Variants in MTARC2 observed in about 807,000 individuals in gnomAD.
MTARC2 encodes the protein mitochondrial amidoxime reducing component 2.
MTARC2 carries 27 observed loss-of-function variants against 35.6 expected under a neutral mutation model. That is an observed-to-expected ratio of 0.76 (90% confidence interval 0.56 to 1.04). MTARC2 has a LOEUF of 1.04. Ranked by LOEUF, MTARC2 falls within the 50% of genes least tolerant of loss-of-function variation. MTARC2 has a pLI of 0.00. For missense variants in MTARC2, 412 were observed against 432.5 expected (o/e 0.95, Z 0.42); for synonymous variants, 158 against 167.1 (o/e 0.95, Z 0.42).
At chr1:220,782,366 C>A (rs1329162063) in intron 7 of MTARC2, among the ~76,000 whole-genome samples, 1 of 152,016 alleles carries the variant, frequency 6.6e-6, no homozygotes, top group Non-Finnish European at 1.5e-5. Context: ...TGTCTTTTAT[C>A]AAATGTATTT....
At chr1:220,768,826 C>A (rs1014721255) in intron 4 of MTARC2, among the ~76,000 whole-genome samples, 1 of 152,082 alleles carries the variant, frequency 6.6e-6, no homozygotes, top group Non-Finnish European at 1.5e-5. Context: ...TGAAAAGAAC[C>A]AAGCAGGGGC....
At position 220,780,380 on chromosome 1, in the gene MTARC2, G is replaced by C. The variant is rs72472398; in HGVS notation, c.884+141G>C. 1.1e-5 allele frequency: 7 copies of C among 650,506 alleles called. No homozygotes were observed. In the South Asian group the frequency reaches 1.6e-4, roughly 15 times the overall value. 40.3% of individuals were successfully genotyped at this position (650,506 alleles called of 1,614,324 possible). A position where few individuals can be genotyped will look rare whatever the true frequency, so the allele number is the denominator to read the frequency against. ...TTCCAGTCTACCTTCTGACTGATTCGCGTCTATTGGTTAATGAGAGCACTG... is the reference window on the plus strand; with the variant it reads ...TTCCAGTCTACCTTCTGACTGATTCCCGTCTATTGGTTAATGAGAGCACTG... On this transcript the variant is annotated intron_variant, in intron 6 of 7. Transcript: ENST00000366913.
chr1:220,750,382 C>CA (rs1236969054), intron 1 of MTARC2, among the ~76,000 whole-genome samples: 1 of 152,176 alleles, frequency 6.6e-6, no homozygotes, highest in Non-Finnish European at 1.5e-5. Flanking sequence ...GTTTCACAGA[C>CA]AGTTTCCAGT....
At position 220,748,624 on chromosome 1, in the gene MTARC2, C is replaced by A; in HGVS notation, c.93C>A (p.Ala31=). The A allele has an allele frequency of 6.7e-7, 1 of 1,489,116 alleles. No homozygotes were observed. Among genetic ancestry groups the A allele is most frequent in the East Asian group, 2.8e-5 (1 of 35,996 alleles). The allele number at this position is 1,489,116 out of a possible 1,614,324, so 92.2% of individuals were successfully genotyped here. Residue 31 remains alanine (A), a synonymous_variant, in exon 1 of 8, where the codon GCC becomes GCA. Transcript: ENST00000366913. ...RWLGVAALGL[A]AVALGTVAWR... ...TCGGGGTCGCCGCGCTAGGACTGGC[C>A]GCCGTGGCCCTGGGGACTGTCGCCT...
chr1:220,768,393 T>C (rs1671642661), intron 4 of MTARC2, among the ~76,000 whole-genome samples: 1 of 152,204 alleles, frequency 6.6e-6, no homozygotes, highest in Non-Finnish European at 1.5e-5. Flanking sequence ...AAATGTCTGA[T>C]AGCCATTGAG....
intron 1 of MTARC2, among the ~76,000 whole-genome samples, chr1:220,750,966 G>A (rs1671109466): frequency 1.3e-5 from 2 of 152,204 alleles, no homozygotes; most frequent in Non-Finnish European, 2.9e-5. Context: ...GAATGAGGTT[G>A]AACTTCATGG....
chr1:220,774,263 T>G (rs940118906), intron 4 of MTARC2, among the ~76,000 whole-genome samples: 1 of 152,164 alleles, frequency 6.6e-6, no homozygotes, highest in African/African-American at 2.4e-5. Flanking sequence ...CACGAGGTTA[T>G]ATCATGTTGT....
chr1:220,769,535 C>G (rs939987497), intron 4 of MTARC2, among the ~76,000 whole-genome samples: 1 of 152,162 alleles, frequency 6.6e-6, no homozygotes, highest in African/African-American at 2.4e-5. Context: ...GTGGGAACCA[C>G]TGGGCTAGGG....
At position 220,748,783 on chromosome 1, in the gene MTARC2, C is replaced by T. The variant is rs1253944963; in HGVS notation, c.252C>T (p.Arg84=). The part of the protein sequence containing the change: ...SEAECTAMGL[R]SGNLRDRFWL... ...CTGAGTGCACGGCCATGGGGCTGCG[C>T]AGCGGCAACCTGCGGGACAGGTACA... is the stretch of plus-strand genomic sequence containing the variant. The change falls in exon 1 of 8, where the codon CGC becomes CGT. Residue 84 remains arginine (R), a synonymous_variant. Coordinates refer to ENST00000366913, the MANE Select transcript of MTARC2 (RefSeq NM_017898.5). 1.3e-6 allele frequency: 2 copies of T among 1,595,512 alleles called. No individual in the cohort carries two copies. Among genetic ancestry groups the T allele is most frequent in the Non-Finnish European group, 8.5e-7 (1 of 1,171,672 alleles).
intron 4 of MTARC2, among the ~76,000 whole-genome samples, chr1:220,767,020 A>G (rs1315722868): frequency 6.6e-6 from 1 of 151,940 alleles, no homozygotes; most frequent in Non-Finnish European, 1.5e-5. Flanking sequence ...AAAAAAATAA[A>G]CTGTTAAATG....
chr1:220,769,403 C>G (rs563394099), intron 4 of MTARC2, among the ~76,000 whole-genome samples: 2 of 152,186 alleles, frequency 1.3e-5, no homozygotes. Flanking sequence ...CGGTGGGTCC[C>G]CCTCTGGCTG....
intron 4 of MTARC2, among the ~76,000 whole-genome samples, chr1:220,777,875 C>G (rs1156830251): frequency 6.6e-6 from 1 of 152,210 alleles, no homozygotes; most frequent in Non-Finnish European, 1.5e-5. Flanking sequence ...AAGTTGTAAT[C>G]TGTCTGGATA....
intron 4 of MTARC2, among the ~76,000 whole-genome samples, chr1:220,772,412 G>C (rs1176059062): frequency 1.3e-5 from 2 of 152,184 alleles, no homozygotes; most frequent in Non-Finnish European, 2.9e-5. Context: ...TAAGTGAAAA[G>C]TAATGTCCTA....
chr1:220,764,289 C>T (rs1034935270), intron 4 of MTARC2, among the ~76,000 whole-genome samples: 4 of 152,094 alleles, frequency 2.6e-5, no homozygotes, highest in African/African-American at 9.7e-5. Flanking sequence ...GATGGGATTT[C>T]TCCATGTTGG....
At chr1:220,766,518 T>C (rs1362725189) in intron 4 of MTARC2, among the ~76,000 whole-genome samples, 1 of 152,228 alleles carries the variant, frequency 6.6e-6, no homozygotes, top group Non-Finnish European at 1.5e-5. Context: ...GCAACAGTTT[T>C]TCCACAGGAA....
rs551415697 is a variant in MTARC2, at chr1:220,752,464, A to G, written c.273-2483A>G. Among the ~76,000 whole-genome samples the G allele has an allele frequency of 7.3e-4, 111 of 152,338 alleles. 1 individual carries two copies. The highest frequency in any genetic ancestry group is 2.6e-3 in the African/African-American group (108 of 41,584). ...AAGTCAGTGGATGCCTGCCTATTTC[A>G]CTGTAGCCCCATTCTCTGGGCAGAC... On this transcript the variant is annotated intron_variant, in intron 1 of 7. Coordinates refer to ENST00000366913, the MANE Select transcript of MTARC2 (RefSeq NM_017898.5).
chr1:220,750,303 G>A (rs951203564), intron 1 of MTARC2, among the ~76,000 whole-genome samples: 1 of 152,204 alleles, frequency 6.6e-6, no homozygotes, highest in African/African-American at 2.4e-5. Context: ...AAATTCTCAC[G>A]ATGCATGTCC....
chr1:220,762,878 G>A, intron 3 of MTARC2, 32 bp from the exon 4 acceptor site: 1 of 1,613,124 alleles, frequency 6.2e-7, no homozygotes, highest in Non-Finnish European at 8.5e-7. Context: ...TTGTGGAGTG[G>A]TGGGGCCTGA....
Position 220,780,251 on chromosome 1 carries a change from C to A in MTARC2, c.884+12C>A. The A allele has an allele frequency of 6.2e-7, 1 of 1,604,218 alleles. No individual in the cohort carries two copies. Among genetic ancestry groups the A allele is most frequent in the African/African-American group, 1.3e-5 (1 of 74,308 alleles). ...GACACCCTGAAGAGGTAGAATACCA[C>A]CACAGCCAGTGTATTTTAAATATTA... On this transcript the variant is annotated intron_variant, in intron 6 of 7. Transcript: ENST00000366913.
Sources: gnomAD v4.1 joint callset for allele counts (sites outside exome capture counted in the v4.1 genomes callset) on GRCh38, gnomAD v4.1.1 for gene constraint, MANE v1.5 for transcripts, NCBI Gene and HGNC (gene_info 2026-07-23, HGNC 2026-07-21) for gene names.